Variants in TMPRSS12 observed in about 807,000 individuals in gnomAD.
TMPRSS12 encodes transmembrane protease serine 12.
TMPRSS12 carries 25 observed loss-of-function variants against 26.0 expected under a neutral mutation model. The observed-to-expected ratio is 0.96, with a 90% CI of 0.70 to 1.34. The LOEUF (loss-of-function observed/expected upper bound fraction) is 1.34, where lower values mean the gene tolerates loss of function less well. Ranked by LOEUF, TMPRSS12 falls within the 40% of genes most tolerant of loss-of-function variation. The pLI, the probability that TMPRSS12 is intolerant of heterozygous loss-of-function variation, is 0.00. For synonymous variants in TMPRSS12, 150 were observed against 161.7 expected (o/e 0.93, Z 0.55); for missense variants, 441 against 440.1 (o/e 1.00, Z -0.02).
intron 3 of TMPRSS12, among the ~76,000 whole-genome samples, chr12:50,879,595 TAAG>T (rs891607083): frequency 6.6e-6 from 1 of 152,202 alleles, no homozygotes; most frequent in Non-Finnish European, 1.5e-5. Flanking sequence ...TATGGTTTAT[TAAG>T]AAGGGTCTGA....
At position 50,887,656 on chromosome 12, in the gene TMPRSS12, G is replaced by A; in HGVS notation, c.*143G>A. On this transcript the variant is annotated 3_prime_UTR_variant, in exon 5 of 5. Transcript: ENST00000398458. ...ACATTTTATGGGCTATAAGTATTGT[G>A]ACAGATATACAATTGTAATTTTGGC... 5.0e-6 allele frequency: 5 copies of A among 1,003,044 alleles called. No homozygotes were observed. The highest frequency in any genetic ancestry group is 7.1e-6 in the Non-Finnish European group (5 of 702,584). 62.1% of individuals were successfully genotyped at this position (1,003,044 alleles called of 1,614,324 possible).
intron 4 of TMPRSS12, chr12:50,886,715 A>C (rs1038316697): frequency 6.5e-6 from 1 of 153,060 alleles, no homozygotes; most frequent in African/African-American, 2.4e-5. Flanking sequence ...GTCATTTATA[A>C]TACTACTGAG....
At chr12:50,869,061 T>C (rs1218481570) in intron 3 of TMPRSS12, among the ~76,000 whole-genome samples, 1 of 149,944 alleles carries the variant, frequency 6.7e-6, no homozygotes, top group Admixed American at 6.6e-5. Context: ...GGACACAAAC[T>C]GACATTCTAA....
chr12:50,845,584 A>G (rs1035563955), intron 2 of TMPRSS12, among the ~76,000 whole-genome samples: 5 of 152,000 alleles, frequency 3.3e-5, no homozygotes, highest in African/African-American at 1.2e-4. Flanking sequence ...TTTCTTCTCT[A>G]TTTTCTCAGT....
intron 3 of TMPRSS12, among the ~76,000 whole-genome samples, chr12:50,867,356 G>T (rs1938001070): frequency 6.6e-6 from 1 of 152,198 alleles, no homozygotes; most frequent in Non-Finnish European, 1.5e-5. Flanking sequence ...CTCTGCAATA[G>T]AATTGAGCAA....
intron 2 of TMPRSS12, 125 bp from the exon 3 acceptor site, chr12:50,858,660 T>A (rs1937904256): frequency 2.8e-6 from 2 of 714,392 alleles, no homozygotes; most frequent in Non-Finnish European, 4.2e-6. Context: ...TGATATTTTA[T>A]GTCACATGAA....
Position 50,854,633 on chromosome 12 carries a change from A to G in TMPRSS12, c.384-4152A>G, listed in dbSNP as rs117557931. Among the ~76,000 whole-genome samples, 1,061 of 152,302 alleles carry G rather than the reference A, an allele frequency of 7.0e-3. 6 individuals are homozygous for G. The highest frequency in any genetic ancestry group is 0.011 in the Non-Finnish European group (726 of 68,022). On this transcript the variant is annotated intron_variant, in intron 2 of 4. Coordinates refer to ENST00000398458, the MANE Select transcript of TMPRSS12 (RefSeq NM_182559.3). ...AAACTTCAGGATAAAAAAAAAGTCA[A>G]TGTACAAAAATCAGCAGCATTTCTA...
At chr12:50,866,142 A>C (rs569015938) in intron 3 of TMPRSS12, among the ~76,000 whole-genome samples, 29 of 152,198 alleles carry the variant, frequency 1.9e-4, no homozygotes, top group African/African-American at 7.0e-4. Flanking sequence ...TAAATCGAGA[A>C]TCCCAAGACA....
At chr12:50,883,673 C>T (rs566801144) in intron 3 of TMPRSS12, among the ~76,000 whole-genome samples, 1 of 152,166 alleles carries the variant, frequency 6.6e-6, no homozygotes, top group South Asian at 2.1e-4. Flanking sequence ...AAGATTCTGT[C>T]TCAAAAAGTA....
intron 2 of TMPRSS12, among the ~76,000 whole-genome samples, chr12:50,844,477 G>A (rs774164224): frequency 2.0e-5 from 3 of 151,828 alleles, no homozygotes; most frequent in African/African-American, 7.3e-5. Context: ...GGGTTCATGC[G>A]ATTCTTCTGC....
intron 3 of TMPRSS12, among the ~76,000 whole-genome samples, chr12:50,871,108 T>C (rs1433757944): frequency 6.6e-6 from 1 of 152,040 alleles, no homozygotes; most frequent in Non-Finnish European, 1.5e-5. Context: ...CTAAAATTCA[T>C]ATGGAACCAA....
chr12:50,851,179 C>G (rs531214405), intron 2 of TMPRSS12, among the ~76,000 whole-genome samples: 2 of 152,294 alleles, frequency 1.3e-5, no homozygotes, highest in South Asian at 4.1e-4. Context: ...ACTACAATAG[C>G]TCCCAAGTGA....
intron 3 of TMPRSS12, among the ~76,000 whole-genome samples, chr12:50,868,771 A>G (rs1592221680): frequency 6.6e-6 from 1 of 152,308 alleles, no homozygotes; most frequent in East Asian, 1.9e-4. Flanking sequence ...CAATAAATTT[A>G]AGAAAATTAA....
In TMPRSS12 at chr12:50,849,440, A is replaced by T. The variant is rs181417156; in HGVS notation, c.383+5403A>T. Among the ~76,000 whole-genome samples the T allele has an allele frequency of 8.3e-4, 126 of 152,330 alleles. No individual in the cohort carries two copies. The South Asian group carries it at 0.015, about 19-fold the overall frequency. On this transcript the variant is annotated intron_variant, in intron 2 of 4. Coordinates refer to ENST00000398458, the MANE Select transcript of TMPRSS12 (RefSeq NM_182559.3). The stretch of plus-strand genomic sequence containing the variant: ...CACCTTTTAAAAAATGTTCTGTTCT[A>T]CAACTTTTGACAGTGTAGATAGTCA...
intron 2 of TMPRSS12, among the ~76,000 whole-genome samples, chr12:50,856,638 A>G (rs1011525244): frequency 9.3e-5 from 1 of 10,748 alleles, no homozygotes; most frequent in African/African-American, 1.1e-4. Context: ...GCTGTTTTAT[A>G]TTAAAAAAAA....
chr12:50,857,115 A>G (rs1592218668), intron 2 of TMPRSS12, among the ~76,000 whole-genome samples: 1 of 152,246 alleles, frequency 6.6e-6, no homozygotes, highest in Non-Finnish European at 1.5e-5. Context: ...TTTTCTAGCC[A>G]TATATGCAAA....
chr12:50,856,958 G>A (rs975171681), intron 2 of TMPRSS12, among the ~76,000 whole-genome samples: 1 of 152,080 alleles, frequency 6.6e-6, no homozygotes, highest in African/African-American at 2.4e-5. Flanking sequence ...CCAAAGTGTT[G>A]GGATTACAGG....
At chr12:50,845,433 A>G (rs1937758568) in intron 2 of TMPRSS12, among the ~76,000 whole-genome samples, 2 of 152,068 alleles carry the variant, frequency 1.3e-5, no homozygotes, top group South Asian at 2.1e-4. Context: ...ACTCTTTCCT[A>G]GAGATGTCTA....
chr12:50,887,252 T>G lies in TMPRSS12; in HGVS notation c.796-10T>G. On this transcript the variant is annotated splice_polypyrimidine_tract_variant and intron_variant, in intron 4 of 4. Transcript: ENST00000398458. Reference sequence around the variant, plus strand: ...AAGTAACAAACACTATTTTGGGACTTTTTTGACAGGGTGACAGTGGGGGAC... The same window carrying G: ...AAGTAACAAACACTATTTTGGGACTGTTTTGACAGGGTGACAGTGGGGGAC... 6.2e-7 allele frequency: 1 copy of G among 1,610,920 alleles called. No individual in the cohort carries two copies. The highest frequency in any genetic ancestry group is 8.5e-7 in the Non-Finnish European group (1 of 1,178,424).
Sources: gnomAD v4.1 joint callset for allele counts (sites outside exome capture counted in the v4.1 genomes callset) on GRCh38, gnomAD v4.1.1 for gene constraint, MANE v1.5 for transcripts, NCBI Gene and HGNC (gene_info 2026-07-23, HGNC 2026-07-21) for gene names.